Variants in MUC6 observed in about 807,000 individuals in gnomAD.
MUC6 encodes mucin 6, oligomeric mucus/gel-forming (gene/pseudogene).
Under a neutral mutation model 201.5 loss-of-function variants are expected in MUC6, and 188 were observed. That is an observed-to-expected ratio of 0.93 (90% confidence interval 0.83 to 1.05). The LOEUF (loss-of-function observed/expected upper bound fraction) is 1.05. MUC6 is among the 50% of genes least tolerant of loss of function. The pLI, the probability that MUC6 is intolerant of heterozygous loss-of-function variation, is 0.00. For synonymous variants in MUC6, 1,228 were observed against 1,389.4 expected, an observed-to-expected ratio of 0.88 and a Z score of 2.58; for missense variants, 2,706 against 3,256.9, an observed-to-expected ratio of 0.83 and a Z score of 4.12.
Position 1,033,114 on chromosome 11 carries a change from C to G in MUC6, c.53-39G>C, listed in dbSNP as rs746679848. On this transcript the variant is annotated intron_variant, in intron 1 of 32. Transcript: ENST00000421673. This position sits in a 1 kb window ranked among gnomAD's most constrained non-coding sequence, Gnocchi z 5.6. ...ACCCGCAGTCGGTGTGGGGCTACCC[C>G]GTCGTCCCTGAGGGCGCCGCTCACC... is the stretch of plus-strand genomic sequence containing the variant. 1.9e-6 allele frequency: 3 copies of G among 1,604,470 alleles called. No individual in the cohort carries two copies. Among genetic ancestry groups the G allele is most frequent in the African/African-American group, 2.7e-5 (2 of 74,658 alleles).
chr11:1,031,117 G>GGCGC, intron 5 of MUC6, 52 bp downstream of exon 5: 2 of 1,230,420 alleles, frequency 1.6e-6, no homozygotes, highest in African/African-American at 2.3e-5. Flanking sequence ...CCCCTGCCCT[G>GGCGC]CCCCCCACCT....
chr11:1,025,653 A>G (rs1181440926), intron 22 of MUC6, among the ~76,000 whole-genome samples, 152 bp downstream of exon 22: 2 of 152,130 alleles, frequency 1.3e-5, no homozygotes, highest in Non-Finnish European at 2.9e-5. Flanking sequence ...GCGTCTGGCC[A>G]GGGAGGGGCA....
rs1384475711 is a variant in MUC6 at position 1,033,708 on chromosome 11, G to A, written c.53-633C>T. Reference sequence around the variant, plus strand: ...GGGACGTCCCACCCTGACTCCCAGAGGCTGGGGTGGGGCCAACACCCCCCA... The same window carrying A: ...GGGACGTCCCACCCTGACTCCCAGAAGCTGGGGTGGGGCCAACACCCCCCA... On this transcript the variant is annotated intron_variant, in intron 1 of 32. Coordinates refer to ENST00000421673, the MANE Select transcript of MUC6 (RefSeq NM_005961.3). This position sits in a 1 kb window ranked among gnomAD's most constrained non-coding sequence, Gnocchi z 5.6. Among the ~76,000 whole-genome samples, 1 of 152,050 alleles carries A rather than the reference G, an allele frequency of 6.6e-6. No homozygotes were observed. The highest frequency in any genetic ancestry group is 6.5e-5 in the Admixed American group (1 of 15,272).
At chr11:1,035,965 C>T (rs1305628138) in intron 1 of MUC6, among the ~76,000 whole-genome samples, 3 of 152,080 alleles carry the variant, frequency 2.0e-5, no homozygotes, top group Non-Finnish European at 4.4e-5. Flanking sequence ...TCACCTGCAG[C>T]AGCCGCAGGG....
Position 1,025,225 on chromosome 11 carries a change from T to C in MUC6, c.2942A>G (p.Asn981Ser), listed in dbSNP as rs1856926483. 6 of 1,612,800 alleles carry C rather than the reference T, an allele frequency of 3.7e-6. No homozygotes were observed. Among genetic ancestry groups the C allele is most frequent in the Non-Finnish European group, 5.1e-6 (6 of 1,179,832 alleles). ...CCTGATGAGGATGGTCATGTGCCTG[T>C]TCCAGATGAGCGTCAGGTTGTACCT... ...PGRYNLTLIWNRHMTILIRIA... is the reference protein window; with the variant it reads ...PGRYNLTLIWSRHMTILIRIA... Residue 981 changes from asparagine to serine, a missense_variant, in exon 23 of 33, where the codon AAC becomes AGC. Transcript: ENST00000421673.
intron 19 of MUC6, 109 bp downstream of exon 19, chr11:1,026,832 C>T: frequency 1.7e-6 from 2 of 1,175,590 alleles, no homozygotes; most frequent in Middle Eastern, 2.9e-4. Context: ...CAGCCCCAGG[C>T]ACCCGCTGCA....
chr11:1,030,520 GGGTCTGGA>G, intron 7 of MUC6, 45 bp downstream of exon 7: 1 of 1,459,620 alleles, frequency 6.9e-7, no homozygotes, highest in Non-Finnish European at 9.1e-7. Context: ...TGGGAGAGCT[GGGTCTGGA>G]GCCCTCGGCC....
At chr11:1,014,029 G>T in intron 31 of MUC6, 28 bp from the exon 32 acceptor site, 1 of 1,570,056 alleles carries the variant, frequency 6.4e-7, no homozygotes. Context: ...GGTCAGCAGC[G>T]CCCAGGGTGG....
intron 1 of MUC6, among the ~76,000 whole-genome samples, chr11:1,034,596 C>T (rs368723009): frequency 4.6e-5 from 7 of 152,270 alleles, no homozygotes; most frequent in Admixed American, 3.3e-4. Context: ...GAGCTCTGAG[C>T]GGGAGGAGCA....
intron 2 of MUC6, among the ~76,000 whole-genome samples, chr11:1,032,783 G>T (rs928766821): frequency 6.6e-6 from 1 of 150,904 alleles, no homozygotes; most frequent in Admixed American, 6.6e-5. Flanking sequence ...TGTGTGTGAC[G>T]TGTGCTCATG....
intron 17 of MUC6, 30 bp downstream of exon 17, chr11:1,027,238 C>A: frequency 6.2e-7 from 1 of 1,611,984 alleles, no homozygotes; most frequent in Non-Finnish European, 8.5e-7. Context: ...TGGCAGGGAC[C>A]CCCCGCCTGG....
chr11:1,019,067 C>A (rs1188605864), intron 30 of MUC6, among the ~76,000 whole-genome samples: 10 of 152,226 alleles, frequency 6.6e-5, no homozygotes, highest in Admixed American at 5.2e-4. Context: ...GTGGCCCCCA[C>A]CCTCCTGCAC....
rs776107253 is a variant in MUC6, at chr11:1,015,960, G to T, written c.6841C>A (p.Pro2281Thr). 1.3e-6 allele frequency: 2 copies of T among 1,592,544 alleles called. No individual in the cohort carries two copies. Among genetic ancestry groups the T allele is most frequent in the Non-Finnish European group, 1.7e-6 (2 of 1,166,632 alleles). The change falls in exon 31 of 33, where the codon CCC becomes ACC. Residue 2281 changes from proline to threonine, a missense_variant. Coordinates refer to ENST00000421673, the MANE Select transcript of MUC6 (RefSeq NM_005961.3). ...GTGAGTGACACAAAGCCTGATGTGG[G>T]AACTCGGGTGGTGAGAGAAGTGGAC... The part of the protein sequence containing the change: ...SRSTSLTTRV[P>T]TSGFVSLTSG...
In MUC6 at chr11:1,016,300, G is replaced by A. The variant is rs368499647; in HGVS notation, c.6501C>T (p.Ser2167=). The change falls in exon 31 of 33, where the codon TCC becomes TCT. Residue 2167 remains serine (S), a synonymous_variant. Coordinates refer to ENST00000421673, the MANE Select transcript of MUC6 (RefSeq NM_005961.3). ...TCAGGGTTGTGGAGTGCACGGGGGC[G>A]GACACGAAAGAGGAAGATGTGCCAA... is the stretch of plus-strand genomic sequence containing the variant. ...PSVGTSSSFV[S]APVHSTTLSS... is the part of the protein sequence containing the mutation. 1,524 of 1,611,816 alleles carry A rather than the reference G, an allele frequency of 9.5e-4. 27 individuals are homozygous for A. In the South Asian group the frequency reaches 0.016, roughly 17 times the overall value.
At chr11:1,029,751 C>A in intron 8 of MUC6, 136 bp from the exon 9 acceptor site, 1 of 1,241,248 alleles carries the variant, frequency 8.1e-7, no homozygotes, top group Non-Finnish European at 1.1e-6. Context: ...GGGAGACGCC[C>A]CTCCAGCCTG....
chr11:1,029,179 TG>T (rs1362083191), intron 10 of MUC6, 29 bp from the exon 11 acceptor site: 2 of 1,606,264 alleles, frequency 1.2e-6, no homozygotes, highest in Admixed American at 1.7e-5. Context: ...CAGACACGGG[TG>T]GGGTCACCGG....
In MUC6 at chr11:1,024,238, A is replaced by G. The variant is rs1487308044; in HGVS notation, c.3226-135T>C. ...GCGCTGGGACTGGGTGAGCGGCACCACGTGGACCTCAGCCCTGACCGCTAG... is the reference window on the plus strand; with the variant it reads ...GCGCTGGGACTGGGTGAGCGGCACCGCGTGGACCTCAGCCCTGACCGCTAG... On this transcript the variant is annotated intron_variant, in intron 24 of 32. Transcript: ENST00000421673. The G allele has an allele frequency of 4.6e-6, 5 of 1,077,080 alleles. No individual in the cohort carries two copies. The African/African-American group carries it at 4.7e-5, about 10-fold the overall frequency. The allele number at this position is 1,077,080 out of a possible 1,614,324, so 66.7% of individuals were successfully genotyped here.
chr11:1,023,349 C>T (rs763223493), intron 26 of MUC6, among the ~76,000 whole-genome samples, 160 bp downstream of exon 26: 4 of 151,410 alleles, frequency 2.6e-5, no homozygotes, highest in Non-Finnish European at 5.9e-5. Flanking sequence ...TGTGAATGTG[C>T]GTGAGTGTGT....
chr11:1,020,058 C>T, intron 29 of MUC6, 32 bp downstream of exon 29: 1 of 1,609,726 alleles, frequency 6.2e-7, no homozygotes, highest in Non-Finnish European at 8.5e-7. Flanking sequence ...CTGCAGCTGC[C>T]CTCTCCATGG....
Sources: allele counts gnomAD v4.1 joint callset (sites outside exome capture counted in the v4.1 genomes callset), GRCh38; gene constraint gnomAD v4.1.1; non-coding constraint Gnocchi (gnomAD v3.1); transcripts MANE v1.5; gene names NCBI Gene and HGNC (gene_info 2026-07-23, HGNC 2026-07-21).